The following ZNF536 variants were observed in gnomAD, a reference collection of about 807,000 sequenced individuals.
The protein encoded by ZNF536 is zinc finger protein 536.
In ZNF536, 13 loss-of-function variants were observed where a neutral mutation model predicts 84.5. The ratio of observed to expected loss-of-function variants is 0.15; its 90% CI spans 0.10 to 0.24. ZNF536 has a LOEUF of 0.24. ZNF536 is among the 10% of genes least tolerant of loss of function. ZNF536 has a pLI of 1.00. For missense variants in ZNF536, 1,536 were observed against 1,747.5 expected (o/e 0.88, Z 2.16); for synonymous variants, 811 against 742.5 (o/e 1.09, Z -1.50).
intron 2 of ZNF536, among the ~76,000 whole-genome samples, chr19:30,329,172 C>A (rs2047129721): frequency 6.6e-6 from 1 of 152,226 alleles, no homozygotes. Context: ...TAAGCCACCT[C>A]TGAGAACATG....
intron 1 of ZNF536, among the ~76,000 whole-genome samples, chr19:30,230,199 G>A (rs774441139): frequency 6.6e-6 from 1 of 152,118 alleles, no homozygotes; most frequent in African/African-American, 2.4e-5. Flanking sequence ...TTGATTTACT[G>A]TTCAAATGAA....
intron 1 of ZNF536, among the ~76,000 whole-genome samples, chr19:30,682,111 A>G (rs2050997606): frequency 6.6e-6 from 1 of 152,092 alleles, no homozygotes; most frequent in Admixed American, 6.5e-5. Flanking sequence ...GGGCTTGCGG[A>G]CCACCAGGGG....
At chr19:30,436,612 C>A in intron 1 of ZNF536, 3 of 557,700 alleles carry the variant, frequency 5.4e-6, no homozygotes, top group Non-Finnish European at 6.8e-6. Context: ...TTCTGTATTT[C>A]AGAACAGGAG....
chr19:30,409,989 C>T (rs1047676954), intron 1 of ZNF536, among the ~76,000 whole-genome samples: 2 of 151,960 alleles, frequency 1.3e-5, no homozygotes, highest in Non-Finnish European at 2.9e-5. Context: ...ACTGTAGCAT[C>T]TCTTCATACA....
At chr19:30,681,809 G>GCC (rs1057496668) in intron 1 of ZNF536, among the ~76,000 whole-genome samples, 1 of 152,138 alleles carries the variant, frequency 6.6e-6, no homozygotes, top group Non-Finnish European at 1.5e-5. Context: ...TCTCTGGGTA[G>GCC]CCCCCCTTCC....
chr19:30,505,538 G>T (rs1193039134), intron 2 of ZNF536, among the ~76,000 whole-genome samples: 1 of 150,704 alleles, frequency 6.6e-6, no homozygotes, highest in African/African-American at 2.4e-5. Context: ...TTTGACCAAG[G>T]ATATTCACTG....
At chr19:30,677,880 C>T (rs978859468) in intron 1 of ZNF536, among the ~76,000 whole-genome samples, 1 of 152,002 alleles carries the variant, frequency 6.6e-6, no homozygotes, top group African/African-American at 2.4e-5. Flanking sequence ...AAAGGAAGGG[C>T]TGTTAGAGAG....
intron 1 of ZNF536, chr19:30,665,347 ATAAT>A (rs995895776): frequency 6.6e-6 from 1 of 152,228 alleles, no homozygotes; most frequent in Admixed American, 6.5e-5. Context: ...CCATCAAAAA[ATAAT>A]TAATAATAAT....
At chr19:30,385,906 C>T (rs1051769687) in intron 1 of ZNF536, among the ~76,000 whole-genome samples, 1 of 152,166 alleles carries the variant, frequency 6.6e-6, no homozygotes, top group Non-Finnish European at 1.5e-5. Flanking sequence ...AGTGGGACCC[C>T]ATGGAGTTAT....
chr19:30,356,599 CT>C (rs1281517648), intron 3 of ZNF536, among the ~76,000 whole-genome samples: 1 of 152,174 alleles, frequency 6.6e-6, no homozygotes, highest in Non-Finnish European at 1.5e-5. Context: ...GATCTCTGGG[CT>C]TTTGGAAGAA....
At chr19:30,569,790 TC>T (rs1242315018) in intron 1 of ZNF536, among the ~76,000 whole-genome samples, 1 of 151,894 alleles carries the variant, frequency 6.6e-6, no homozygotes, top group Admixed American at 6.6e-5. Flanking sequence ...CAGGCTGGTC[TC>T]CAATGCCTGG....
chr19:30,294,549 ATG>A (rs55972417), intron 2 of ZNF536, among the ~76,000 whole-genome samples: 16,446 of 145,350 alleles, frequency 0.11, 1,024 homozygotes, highest in Non-Finnish European at 0.16. Flanking sequence ...AGGCCCCAAT[ATG>A]TGTGTGTGTG....
At chr19:30,426,448 T>G (rs1006633949) in intron 1 of ZNF536, among the ~76,000 whole-genome samples, 3 of 152,184 alleles carry the variant, frequency 2.0e-5, no homozygotes, top group Non-Finnish European at 4.4e-5. Flanking sequence ...AAGGTTTTGG[T>G]CCTTATTCCA....
chr19:30,503,815 C>G (rs1248254714), intron 2 of ZNF536, among the ~76,000 whole-genome samples: 2 of 152,096 alleles, frequency 1.3e-5, no homozygotes, highest in East Asian at 3.9e-4. Context: ...TTTTTCCCCT[C>G]TTTGCAGGCC....
chr19:30,572,965 C>G (rs916871956), intron 1 of ZNF536, among the ~76,000 whole-genome samples: 1 of 152,100 alleles, frequency 6.6e-6, no homozygotes, highest in Non-Finnish European at 1.5e-5. Context: ...GTGAGTTAAG[C>G]CACCTTGGAG....
chr19:30,243,830 AT>A (rs944073303), intron 1 of ZNF536, among the ~76,000 whole-genome samples: 1 of 152,196 alleles, frequency 6.6e-6, no homozygotes, highest in African/African-American at 2.4e-5. Flanking sequence ...GCAGAAAATG[AT>A]TTTTTTGATT....
At chr19:30,296,449 G>A (rs1432262463) in intron 2 of ZNF536, among the ~76,000 whole-genome samples, 4 of 152,212 alleles carry the variant, frequency 2.6e-5, no homozygotes, top group Non-Finnish European at 4.4e-5. Flanking sequence ...ACATCCTGGG[G>A]AAAATGGGCA....
intron 2 of ZNF536, among the ~76,000 whole-genome samples, chr19:30,298,264 GA>G (rs1245985043): frequency 6.6e-6 from 1 of 152,102 alleles, no homozygotes; most frequent in Non-Finnish European, 1.5e-5. Context: ...GTGCCCATTA[GA>G]AATTCAAGAT....
intron 1 of ZNF536, among the ~76,000 whole-genome samples, chr19:30,423,936 C>A (rs2147884886): frequency 6.6e-6 from 1 of 152,250 alleles, no homozygotes; most frequent in East Asian, 1.9e-4. Flanking sequence ...CAGGGTCAAG[C>A]ATGGTGTCTT....
Sources: allele counts gnomAD v4.1 joint callset (sites outside exome capture counted in the v4.1 genomes callset), GRCh38; gene constraint gnomAD v4.1.1; transcripts MANE v1.5; gene names NCBI Gene and HGNC (gene_info 2026-07-23, HGNC 2026-07-21).